VAV3: variants seen among roughly 807,000 people sequenced by gnomAD.
The protein encoded by VAV3 is guanine nucleotide exchange factor VAV3.
VAV3 carries 94 observed loss-of-function variants against 131.2 expected under a neutral mutation model. The observed-to-expected ratio is 0.72, with a 90% CI of 0.61 to 0.85. The LOEUF is 0.85. Ranked by LOEUF, VAV3 falls within the 40% of genes least tolerant of loss-of-function variation. The probability of loss-of-function intolerance (pLI) is 0.00; values close to 1 mark genes in which losing one functional copy is unlikely to be tolerated. For synonymous variants in VAV3, 349 were observed against 342.0 expected, an observed-to-expected ratio of 1.02 and a Z score of -0.22; for missense variants, 939 against 1,002.7, an observed-to-expected ratio of 0.94 and a Z score of 0.86.
intron 25 of VAV3, among the ~76,000 whole-genome samples, chr1:107,594,880 G>A (rs1651248193): frequency 6.6e-6 from 1 of 152,030 alleles, no homozygotes; most frequent in Non-Finnish European, 1.5e-5. Flanking sequence ...ACTCAAACAG[G>A]ATTTTTCATC....
intron 17 of VAV3, among the ~76,000 whole-genome samples, chr1:107,690,171 T>C (rs1659328204): frequency 6.6e-6 from 1 of 152,174 alleles, no homozygotes; most frequent in Non-Finnish European, 1.5e-5. Flanking sequence ...ATTCTTCCCA[T>C]AGAAGTGTTT....
chr1:107,654,282 T>C (rs760606468), intron 19 of VAV3, among the ~76,000 whole-genome samples: 19 of 152,032 alleles, frequency 1.2e-4, no homozygotes, highest in Non-Finnish European at 2.2e-4. Flanking sequence ...AATTTTCTAG[T>C]GAGAATGATA....
chr1:107,892,282 G>A (rs1204553435), intron 1 of VAV3, among the ~76,000 whole-genome samples: 1 of 152,144 alleles, frequency 6.6e-6, no homozygotes, highest in Admixed American at 6.5e-5. Context: ...AGAAATCTAA[G>A]TTTCATTAAT....
chr1:107,614,067 T>C (rs1652954830), intron 21 of VAV3, among the ~76,000 whole-genome samples: 1 of 152,110 alleles, frequency 6.6e-6, no homozygotes, highest in Admixed American at 6.6e-5. Flanking sequence ...TTTCCAATCC[T>C]GAACCAATAC....
chr1:107,729,425 T>C (rs532835780), intron 15 of VAV3, among the ~76,000 whole-genome samples: 1 of 152,190 alleles, frequency 6.6e-6, no homozygotes, highest in South Asian at 2.1e-4. Flanking sequence ...ATGCAGAAAG[T>C]CTATAGTTTG....
intron 1 of VAV3, among the ~76,000 whole-genome samples, chr1:107,906,703 TAAAATA>T (rs991249354): frequency 6.6e-6 from 1 of 151,598 alleles, no homozygotes; most frequent in Admixed American, 6.6e-5. Context: ...ATACATAAAA[TAAAATA>T]AAAATAAAAT....
intron 1 of VAV3, among the ~76,000 whole-genome samples, chr1:107,947,271 A>G (rs1674314863): frequency 1.3e-5 from 2 of 152,232 alleles, no homozygotes; most frequent in Admixed American, 1.3e-4. Flanking sequence ...CAATTATATC[A>G]TTTTTGAAAG....
intron 20 of VAV3, among the ~76,000 whole-genome samples, chr1:107,624,024 G>A (rs1451418032): frequency 6.6e-6 from 1 of 152,060 alleles, no homozygotes. Flanking sequence ...CATGACAAAG[G>A]CTTCAATTAT....
At chr1:107,693,385 TC>T (rs1389066780) in intron 17 of VAV3, among the ~76,000 whole-genome samples, 1 of 152,204 alleles carries the variant, frequency 6.6e-6, no homozygotes, top group Non-Finnish European at 1.5e-5. Context: ...CATCTTTTTT[TC>T]ATACTTCAAA....
chr1:107,603,130 C>T lies in VAV3; in HGVS notation c.2049G>A (p.Glu683=), dbSNP rs760529243. The T allele has an allele frequency of 3.7e-6, 6 of 1,613,274 alleles. No individual in the cohort carries two copies. The African/African-American group carries it at 8.0e-5, about 22-fold the overall frequency. The change falls in exon 23 of 27, where the codon GAG becomes GAA. Residue 683 remains glutamate (E), a synonymous_variant. Coordinates refer to ENST00000370056, the MANE Select transcript of VAV3 (RefSeq NM_006113.5). ...YAGAMERLQA[E]TELINRVNST... is the part of the protein sequence containing the mutation. ...TATTTACCCTATTAATAAGTTCGGT[C>T]TCTGCTTGCAATCTTTCCATTGCTC...
At chr1:107,925,825 A>C (rs968667418) in intron 1 of VAV3, among the ~76,000 whole-genome samples, 12 of 151,848 alleles carry the variant, frequency 7.9e-5, no homozygotes, top group African/African-American at 2.9e-4. Context: ...AAATAAATCA[A>C]AGAAAAAATG....
At chr1:107,762,946 G>C (rs1003292539) in intron 9 of VAV3, among the ~76,000 whole-genome samples, 3 of 152,172 alleles carry the variant, frequency 2.0e-5, no homozygotes, top group Non-Finnish European at 4.4e-5. Context: ...CAGGCTGATA[G>C]GGCAAGATAA....
intron 2 of VAV3, among the ~76,000 whole-genome samples, chr1:107,804,673 G>C (rs1032541923): frequency 1.3e-5 from 2 of 152,050 alleles, no homozygotes; most frequent in African/African-American, 4.8e-5. Flanking sequence ...TGAGTGTATT[G>C]TACATCATAA....
Position 107,853,659 on chromosome 1 carries a change from GAC to G in VAV3, c.321+21240_321+21241del, listed in dbSNP as rs143805721. 7.5e-3 allele frequency among the ~76,000 whole-genome samples: 1,132 copies of G among 151,762 alleles called. 14 individuals carry two copies. Among genetic ancestry groups the G allele is most frequent in the African/African-American group, 0.017 (688 of 41,406 alleles). ...AAAGTTATTTTTGATGACAAAGCAG[GAC>G]ACAGAAAGACCATCACAGAAAGAGA... On this transcript the variant is annotated intron_variant, in intron 2 of 26. Coordinates refer to ENST00000370056, the MANE Select transcript of VAV3 (RefSeq NM_006113.5).
At chr1:107,632,634 C>G (rs1282407438) in intron 20 of VAV3, among the ~76,000 whole-genome samples, 1 of 152,188 alleles carries the variant, frequency 6.6e-6, no homozygotes, top group African/African-American at 2.4e-5. Context: ...TGCAAAAACT[C>G]AAACATATTA....
intron 15 of VAV3, 42 bp downstream of exon 15, chr1:107,748,926 A>G: frequency 7.3e-7 from 1 of 1,374,282 alleles, no homozygotes; most frequent in Non-Finnish European, 1.0e-6. Context: ...AAGTGATTTA[A>G]CTAGTAAAAA....
chr1:107,956,787 C>T (rs890537521), intron 1 of VAV3, among the ~76,000 whole-genome samples: 5 of 151,990 alleles, frequency 3.3e-5, no homozygotes, highest in African/African-American at 1.2e-4. Flanking sequence ...CAGCACGGTG[C>T]GGGTTTTCCT....
intron 2 of VAV3, among the ~76,000 whole-genome samples, chr1:107,814,665 C>T (rs2102340825): frequency 6.6e-6 from 1 of 152,146 alleles, no homozygotes. Context: ...GATTTGTTGC[C>T]TGTGCTTCTG....
At chr1:107,878,737 C>A (rs921551948) in intron 1 of VAV3, among the ~76,000 whole-genome samples, 2 of 152,102 alleles carry the variant, frequency 1.3e-5, no homozygotes, top group African/African-American at 2.4e-5. Context: ...ATGGTTACTG[C>A]CACATCTCTC....
Sources: allele counts gnomAD v4.1 joint callset (sites outside exome capture counted in the v4.1 genomes callset), GRCh38; gene constraint gnomAD v4.1.1; transcripts MANE v1.5; gene names NCBI Gene and HGNC (gene_info 2026-07-23, HGNC 2026-07-21).